TRIM7: variants seen among roughly 807,000 people sequenced by gnomAD.
TRIM7 encodes the protein tripartite motif containing 7.
In TRIM7, 32 loss-of-function variants were observed where a neutral mutation model predicts 37.9. That is an observed-to-expected ratio of 0.84 (90% CI 0.64 to 1.13). The LOEUF is 1.13. Ranked by LOEUF, TRIM7 falls within the 50% of genes most tolerant of loss-of-function variation. TRIM7 has a pLI of 0.00. For missense variants in TRIM7, 732 were observed against 714.0 expected (o/e 1.03, Z -0.29); for synonymous variants, 351 against 321.3 (o/e 1.09, Z -0.99).
Position 181,205,128 on chromosome 5 carries a change from C to T in TRIM7, c.-18G>A. 2.3e-6 allele frequency: 3 copies of T among 1,296,986 alleles called. No homozygotes were observed. Among genetic ancestry groups the T allele is most frequent in the Non-Finnish European group, 2.9e-6 (3 of 1,022,934 alleles). The allele number at this position is 1,296,986 out of a possible 1,614,324, so 80.3% of individuals were successfully genotyped here. A position where few individuals can be genotyped will look rare whatever the true frequency, so the allele number is the denominator to read the frequency against. On this transcript the variant is annotated 5_prime_UTR_variant, in exon 1 of 7. Transcript: ENST00000274773. ...GCCGCCATGCGCGCTCTCCGCGCAC[C>T]CAGATCTGGTCGCGCCTGGGCGGCC...
intron 3 of TRIM7, chr5:181,199,340 C>T (rs1757334353): frequency 1.7e-5 from 10 of 601,716 alleles, no homozygotes; most frequent in South Asian, 3.9e-5. Flanking sequence ...CAACTCTTCA[C>T]GTGCTTTCTT....
rs1329839656 is a variant in TRIM7, at chr5:181,194,598, C to CA, written c.*567dup. 1.3e-5 allele frequency: 2 copies of CA among 152,540 alleles called. No individual in the cohort carries two copies. The highest frequency in any genetic ancestry group is 2.9e-5 in the Non-Finnish European group (2 of 68,336). 9.4% of individuals were successfully genotyped at this position (152,540 alleles called of 1,614,324 possible). A position where few individuals can be genotyped will look rare whatever the true frequency, so the allele number is the denominator to read the frequency against. ...TGGCTGTTGTCCCGGGCTTGTCACT[C>CA]AAAGACGGGACAGATGTCTCCTTCC... On this transcript the variant is annotated 3_prime_UTR_variant, in exon 7 of 7. Coordinates refer to ENST00000274773, the MANE Select transcript of TRIM7 (RefSeq NM_203293.3).
intron 1 of TRIM7, chr5:181,203,863 C>G (rs1448449646): frequency 7.7e-7 from 1 of 1,300,690 alleles, no homozygotes; most frequent in African/African-American, 1.5e-5. Context: ...CAGACTGAAA[C>G]ACAAGCTCCG....
chr5:181,195,483 C>T lies in TRIM7; in HGVS notation c.1219G>A (p.Asp407Asn). Reference protein sequence around the residue: ...HHWEVEVGSKDGWAFGVARES... With the variant: ...HHWEVEVGSKNGWAFGVARES... The stretch of plus-strand genomic sequence containing the variant: ...CGGGCCACGCCAAAGGCCCAGCCGT[C>T]CTTAGAGCCCACCTCCACCTCCCAG... Residue 407 changes from aspartate to asparagine, a missense_variant, in exon 7 of 7, where the codon GAC becomes AAC. By Grantham distance (23) the Asp-to-Asn change is conservative. Coordinates refer to ENST00000274773, the MANE Select transcript of TRIM7 (RefSeq NM_203293.3). The T allele has an allele frequency of 6.2e-7, 1 of 1,612,492 alleles. No individual in the cohort carries two copies. The highest frequency in any genetic ancestry group is 8.5e-7 in the Non-Finnish European group (1 of 1,179,714).
In TRIM7 at chr5:181,199,964, C is replaced by T. The variant is rs1047928151; in HGVS notation, c.736G>A (p.Ala246Thr). The T allele has an allele frequency of 3.1e-6, 5 of 1,614,144 alleles. No homozygotes were observed. In the African/African-American group the frequency reaches 6.7e-5, roughly 22 times the overall value. The change falls in exon 3 of 7, where the codon GCA (alanine) becomes ACA (threonine). Residue 246 changes from alanine (A) to threonine (T), a missense_variant. Ala to Thr is a moderately conservative substitution (Grantham distance 58). Transcript: ENST00000274773. Reference sequence around the variant, plus strand: ...GCCAGGTTCTCATTCTGCTTCTGTGCCACCTCCCGGGACAGTTCCTCCAGG... The same window carrying T: ...GCCAGGTTCTCATTCTGCTTCTGTGTCACCTCCCGGGACAGTTCCTCCAGG... ...GRLEELSREV[A>T]QKQNENLAQL...
At chr5:181,198,873 G>T in intron 4 of TRIM7, 68 bp from the exon 5 acceptor site, 1 of 1,301,304 alleles carries the variant, frequency 7.7e-7, no homozygotes, top group Non-Finnish European at 1.1e-6. Flanking sequence ...TGACAATTAG[G>T]ATGGCGAGGT....
intron 2 of TRIM7, 30 bp downstream of exon 2, chr5:181,203,515 C>A (rs751146417): frequency 1.9e-6 from 3 of 1,613,416 alleles, no homozygotes; most frequent in Non-Finnish European, 2.5e-6. Flanking sequence ...CTGTAATGTC[C>A]CACGGGGGGC....
At chr5:181,199,577 A>T in intron 3 of TRIM7, 1 of 545,632 alleles carries the variant, frequency 1.8e-6, no homozygotes, top group Non-Finnish European at 3.2e-6. Context: ...ATCAAAGTGC[A>T]TACGTGTAGC....
chr5:181,205,182 C>T lies in TRIM7; in HGVS notation c.-72G>A, dbSNP rs1037859360. The T allele has an allele frequency of 8.0e-6, 10 of 1,257,552 alleles. No individual in the cohort carries two copies. The highest frequency in any genetic ancestry group is 9.0e-6 in the Non-Finnish European group (9 of 997,516). The allele number at this position is 1,257,552 out of a possible 1,614,324, so 77.9% of individuals were successfully genotyped here. A position where few individuals can be genotyped will look rare whatever the true frequency, so the allele number is the denominator to read the frequency against. ...GGACCTCACAGGACGCGGAGCTGGG[C>T]GCCGAGGGCCCACTGGGAGAGGAAG... On this transcript the variant is annotated 5_prime_UTR_variant, in exon 1 of 7. Transcript: ENST00000274773.
intron 2 of TRIM7, chr5:181,200,592 AG>A: frequency 1.0e-6 from 1 of 1,003,700 alleles, no homozygotes; most frequent in Non-Finnish European, 1.2e-6. Flanking sequence ...GATGTAGGAA[AG>A]TAGAAAGAAG....
At chr5:181,200,972 AC>A in intron 2 of TRIM7, 1 of 967,804 alleles carries the variant, frequency 1.0e-6, no homozygotes, top group African/African-American at 1.8e-5. Context: ...CTCAACCCTG[AC>A]GGCAGCCCAG....
chr5:181,201,201 T>G (rs1266210237), intron 2 of TRIM7, among the ~76,000 whole-genome samples: 1 of 152,220 alleles, frequency 6.6e-6, no homozygotes, highest in Non-Finnish European at 1.5e-5. Flanking sequence ...GGCTGCCCTG[T>G]GCCTTGTAGG....
chr5:181,205,121 C>T lies in TRIM7; in HGVS notation c.-11G>A, dbSNP rs995816203. On this transcript the variant is annotated 5_prime_UTR_variant, in exon 1 of 7. Transcript: ENST00000274773. ...TCCCACAGCCGCCATGCGCGCTCTC[C>T]GCGCACCCAGATCTGGTCGCGCCTG... 3.1e-5 allele frequency: 40 copies of T among 1,307,666 alleles called. No homozygotes were observed. The African/African-American group carries it at 5.2e-4, about 17-fold the overall frequency. 81.0% of individuals were successfully genotyped at this position (1,307,666 alleles called of 1,614,324 possible). A position where few individuals can be genotyped will look rare whatever the true frequency, so the allele number is the denominator to read the frequency against.
rs781169912 is a variant in TRIM7, at chr5:181,195,401, G to A, written c.1301C>T (p.Ala434Val). The change falls in exon 7 of 7, where the codon GCC (alanine) becomes GTC (valine). Residue 434 changes from alanine (A) to valine (V), a missense_variant. Transcript: ENST00000274773. ...GTACTGGCCGCCGTTGAGCTGCAGGGCCCAGACGCCCTCCTCGGGAGTGAA... is the reference window on the plus strand; with the variant it reads ...GTACTGGCCGCCGTTGAGCTGCAGGACCCAGACGCCCTCCTCGGGAGTGAA... Reference protein sequence around the residue: ...TPFTPEEGVWALQLNGGQYWA... With the variant: ...TPFTPEEGVWVLQLNGGQYWA... The A allele has an allele frequency of 5.0e-6, 8 of 1,590,174 alleles. No individual in the cohort carries two copies. Among genetic ancestry groups the A allele is most frequent in the Non-Finnish European group, 6.8e-6 (8 of 1,168,470 alleles).
At chr5:181,197,790 A>T in intron 6 of TRIM7, 1 of 223,616 alleles carries the variant, frequency 4.5e-6, no homozygotes, top group South Asian at 7.8e-5. Flanking sequence ...TTGCAAGAGT[A>T]AAAACGATAT....
At chr5:181,203,180 C>A (rs1183776334) in intron 2 of TRIM7, 2 of 761,438 alleles carry the variant, frequency 2.6e-6, no homozygotes, top group Non-Finnish European at 1.7e-6. Context: ...ATTAATATTC[C>A]CACTTATTGA....
intron 1 of TRIM7, chr5:181,204,071 G>C (rs1757674370): frequency 1.0e-6 from 1 of 1,000,780 alleles, no homozygotes. Context: ...CCCCAGAATC[G>C]ACAGCGTTGG....
chr5:181,198,357 G>A lies in TRIM7; in HGVS notation c.989-139C>T. ...CCAAGAGTGAACGTGCAGGCACAGG[G>A]CCAAGCATGGGGAGCGGGGGGCAGG... On this transcript the variant is annotated intron_variant, in intron 5 of 6. Transcript: ENST00000274773. The A allele has an allele frequency of 5.5e-6, 5 of 915,036 alleles. No homozygotes were observed. In the South Asian group the frequency reaches 5.9e-5, roughly 11 times the overall value. The allele number at this position is 915,036 out of a possible 1,614,324, so 56.7% of individuals were successfully genotyped here. A position where few individuals can be genotyped will look rare whatever the true frequency, so the allele number is the denominator to read the frequency against.
chr5:181,203,154 T>G, intron 2 of TRIM7: 2 of 567,456 alleles, frequency 3.5e-6, no homozygotes, highest in Non-Finnish European at 4.6e-6. Context: ...AAACATGCCA[T>G]GAGGCTCTTT....
Sources: allele counts gnomAD v4.1 joint callset (sites outside exome capture counted in the v4.1 genomes callset), GRCh38; gene constraint gnomAD v4.1.1; transcripts MANE v1.5; gene names NCBI Gene and HGNC (gene_info 2026-07-23, HGNC 2026-07-21).